The following RHOBTB3 variants were observed in gnomAD, a reference collection of about 807,000 sequenced individuals.
The protein encoded by RHOBTB3 is Rho related BTB domain containing 3, also known as rho-related BTB domain-containing protein 3.
A neutral mutation model predicts 67.2 loss-of-function variants in RHOBTB3; 47 were observed. The observed-to-expected ratio is 0.70, with a 90% CI of 0.55 to 0.89. RHOBTB3 has a LOEUF of 0.89. Among genes scored for constraint, RHOBTB3 ranks in the 40% least tolerant of loss-of-function variants. The pLI is 0.00. For synonymous variants in RHOBTB3, 273 were observed against 274.2 expected (o/e 1.00, Z 0.04); for missense variants, 631 against 750.0 (o/e 0.84, Z 1.85).
rs1020097613 is a variant in RHOBTB3 at position 95,793,686 on chromosome 5, A to G, written c.*512A>G. The G allele has an allele frequency of 1.4e-5, 3 of 207,744 alleles. No homozygotes were observed. Among genetic ancestry groups the G allele is most frequent in the Admixed American group, 1.1e-4 (2 of 18,874 alleles). The allele number at this position is 207,744 out of a possible 1,614,324, so 12.9% of individuals were successfully genotyped here. ...AAAGTGAAATGCCACTTAGTTCTCA[A>G]TTGATGACAGTGTTTGAATCATCAT... On this transcript the variant is annotated 3_prime_UTR_variant, in exon 12 of 12. Transcript: ENST00000379982.
At chr5:95,760,969 G>A (rs974248243) in intron 6 of RHOBTB3, among the ~76,000 whole-genome samples, 4 of 152,158 alleles carry the variant, frequency 2.6e-5, no homozygotes, top group Non-Finnish European at 5.9e-5. Flanking sequence ...AATCAGCAGT[G>A]TGCTCTTGAG....
chr5:95,731,328 G>A, upstream of RHOBTB3: 1 of 1,089,620 alleles, frequency 9.2e-7, no homozygotes, highest in Non-Finnish European at 1.1e-6. Flanking sequence ...AGGAGCAGCG[G>A]CAGCGGCAGC....
At chr5:95,739,457 A>G (rs1755540994) in intron 3 of RHOBTB3, among the ~76,000 whole-genome samples, 1 of 152,228 alleles carries the variant, frequency 6.6e-6, no homozygotes, top group South Asian at 2.1e-4. Flanking sequence ...AAAATAACAG[A>G]TACATATATG....
chr5:95,765,639 C>T (rs534245080), intron 7 of RHOBTB3, among the ~76,000 whole-genome samples: 15 of 152,312 alleles, frequency 9.8e-5, no homozygotes, highest in East Asian at 1.9e-4. Flanking sequence ...GAAGCCTCTG[C>T]GAGCTCTCCA....
intron 1 of RHOBTB3, among the ~76,000 whole-genome samples, chr5:95,719,980 A>G (rs953244345): frequency 6.6e-6 from 1 of 152,192 alleles, no homozygotes; most frequent in Non-Finnish European, 1.5e-5. Flanking sequence ...AAAGATAATA[A>G]TGGGCTTCCC....
At position 95,732,017 on chromosome 5, in the gene RHOBTB3, T is replaced by C. The variant is rs1277651501; in HGVS notation, c.161T>C (p.Val54Ala). Reference sequence around the variant, plus strand: ...GCGGCCAGCACGGTCGCGCGTCCGGTGTTCACCGAGTATCAGGCCAGTGCG... The same window carrying C: ...GCGGCCAGCACGGTCGCGCGTCCGGCGTTCACCGAGTATCAGGCCAGTGCG... ...LNAASTVARP[V>A]FTEYQASAFG... The change falls in exon 2 of 12, where the codon GTG becomes GCG. Residue 54 changes from valine (V) to alanine (A), a missense_variant. Val to Ala is a moderately conservative substitution (Grantham distance 64). Coordinates refer to ENST00000379982, the MANE Select transcript of RHOBTB3 (RefSeq NM_014899.4). 3 of 1,614,144 alleles carry C rather than the reference T, an allele frequency of 1.9e-6. No homozygotes were observed. The highest frequency in any genetic ancestry group is 2.5e-6 in the Non-Finnish European group (3 of 1,180,018).
At chr5:95,743,848 A>C (rs925680269) in intron 3 of RHOBTB3, among the ~76,000 whole-genome samples, 1 of 151,412 alleles carries the variant, frequency 6.6e-6, no homozygotes, top group Non-Finnish European at 1.5e-5. Flanking sequence ...AGCTGCAATT[A>C]TAGGTATGAA....
Position 95,793,231 on chromosome 5 carries a change from C to G in RHOBTB3, c.*57C>G, listed in dbSNP as rs1746471309. ...TATTATTATGAAGAATGGGATACCTCCAGGTTCCAGTAAAATTCTTCTGAC... is the reference window on the plus strand; with the variant it reads ...TATTATTATGAAGAATGGGATACCTGCAGGTTCCAGTAAAATTCTTCTGAC... On this transcript the variant is annotated 3_prime_UTR_variant, in exon 12 of 12. Transcript: ENST00000379982. 8.9e-7 allele frequency: 1 copy of G among 1,129,518 alleles called. No individual in the cohort carries two copies. The highest frequency in any genetic ancestry group is 1.3e-6 in the Non-Finnish European group (1 of 778,610). The allele number at this position is 1,129,518 out of a possible 1,614,324, so 70.0% of individuals were successfully genotyped here.
At chr5:95,746,956 T>C (rs1234902239) in intron 3 of RHOBTB3, among the ~76,000 whole-genome samples, 1 of 152,250 alleles carries the variant, frequency 6.6e-6, no homozygotes, top group African/African-American at 2.4e-5. Context: ...ATCTGCTCCA[T>C]CTGTATGCAA....
At chr5:95,749,153 A>G (rs567072633) in intron 4 of RHOBTB3, among the ~76,000 whole-genome samples, 1 of 152,362 alleles carries the variant, frequency 6.6e-6, no homozygotes, top group African/African-American at 2.4e-5. Flanking sequence ...TTGCTGACAT[A>G]GAAACTACAT....
intron 11 of RHOBTB3, among the ~76,000 whole-genome samples, chr5:95,790,089 C>T (rs1201620428): frequency 1.3e-5 from 2 of 152,188 alleles, no homozygotes; most frequent in Non-Finnish European, 2.9e-5. Flanking sequence ...TGTATTCAGC[C>T]AGTCAACAAA....
chr5:95,794,025 G>A lies in RHOBTB3; in HGVS notation c.*851G>A, dbSNP rs1025295994. 2.2e-6 allele frequency: 1 copy of A among 456,114 alleles called. No individual in the cohort carries two copies. The highest frequency in any genetic ancestry group is 4.4e-6 in the Non-Finnish European group (1 of 226,954). 28.3% of individuals were successfully genotyped at this position (456,114 alleles called of 1,614,324 possible). On this transcript the variant is annotated 3_prime_UTR_variant, in exon 12 of 12. Coordinates refer to ENST00000379982, the MANE Select transcript of RHOBTB3 (RefSeq NM_014899.4). ...CCTTTCTCTCTGAAAGCAGAAAAAG[G>A]CACTGATATAAAGGGAAGAGAAGGA...
chr5:95,769,308 A>G (rs936431413), intron 8 of RHOBTB3: 1 of 472,896 alleles, frequency 2.1e-6, no homozygotes, highest in East Asian at 5.8e-5. Flanking sequence ...AGATGTTGCC[A>G]GTAACACAAA....
At chr5:95,730,982 C>T (rs1755209420), upstream of RHOBTB3, 5 of 568,768 alleles carry the variant, frequency 8.8e-6, no homozygotes, top group South Asian at 6.0e-5. Context: ...CTTCCCTAAC[C>T]TCCTTTTTCC....
At chr5:95,758,464 T>C (rs1282650548) in intron 6 of RHOBTB3, among the ~76,000 whole-genome samples, 1 of 152,070 alleles carries the variant, frequency 6.6e-6, no homozygotes, top group East Asian at 1.9e-4. Flanking sequence ...TGATGGCTGG[T>C]GGGTGATGAG....
intron 8 of RHOBTB3, among the ~76,000 whole-genome samples, chr5:95,777,426 G>A (rs1348353877): frequency 2.0e-5 from 3 of 152,132 alleles, no homozygotes; most frequent in Non-Finnish European, 2.9e-5. Flanking sequence ...TTTCACTCTT[G>A]TAGTTCTTTT....
At chr5:95,787,610 T>C (rs1746261254) in intron 10 of RHOBTB3, among the ~76,000 whole-genome samples, 1 of 152,310 alleles carries the variant, frequency 6.6e-6, no homozygotes, top group South Asian at 2.1e-4. Context: ...CAAATGTCCA[T>C]TGACAGGTGA....
chr5:95,752,193 A>G (rs577022033), intron 4 of RHOBTB3, 46 bp from the exon 5 acceptor site: 11 of 1,140,548 alleles, frequency 9.6e-6, no homozygotes, highest in East Asian at 2.4e-5. Context: ...CATGTTGGAT[A>G]TATAGTTTTG....
intron 3 of RHOBTB3, among the ~76,000 whole-genome samples, chr5:95,740,379 A>G (rs988394300): frequency 6.6e-6 from 1 of 152,230 alleles, no homozygotes; most frequent in Non-Finnish European, 1.5e-5. Flanking sequence ...CTATACATGG[A>G]AGTGACTATA....
Sources: gnomAD v4.1 joint callset for allele counts (sites outside exome capture counted in the v4.1 genomes callset) on GRCh38, gnomAD v4.1.1 for gene constraint, MANE v1.5 for transcripts, NCBI Gene and HGNC (gene_info 2026-07-23, HGNC 2026-07-21) for gene names.